Variants in LVRN observed in about 807,000 individuals in gnomAD.
The protein encoded by LVRN is aminopeptidase Q.
In LVRN, 99 loss-of-function variants were observed where a neutral mutation model predicts 111.4. That is an observed-to-expected ratio of 0.89 (90% confidence interval 0.76 to 1.05). The LOEUF (loss-of-function observed/expected upper bound fraction) is 1.05. Among genes scored for constraint, LVRN ranks in the 50% least tolerant of loss-of-function variants. LVRN has a pLI of 0.00. For missense variants in LVRN, 1,414 were observed against 1,206.8 expected (o/e 1.17, Z -2.54); for synonymous variants, 488 against 449.5 (o/e 1.09, Z -1.08).
Position 116,025,192 on chromosome 5 carries a change from C to T in LVRN, c.2833-786C>T, listed in dbSNP as rs187979258. Among the ~76,000 whole-genome samples the T allele has an allele frequency of 2.7e-3, 408 of 152,184 alleles. 2 individuals are homozygous for T. The highest frequency in any genetic ancestry group is 4.4e-3 in the Non-Finnish European group (301 of 67,992). On this transcript the variant is annotated intron_variant, in intron 19 of 19. Coordinates refer to ENST00000357872, the MANE Select transcript of LVRN (RefSeq NM_173800.5). ...GAGTGGGGGAGGATTGTTCCTGGCTCTTTAACTTACTTGTCCCTAAAACAT... is the reference window on the plus strand; with the variant it reads ...GAGTGGGGGAGGATTGTTCCTGGCTTTTTAACTTACTTGTCCCTAAAACAT...
intron 1 of LVRN, among the ~76,000 whole-genome samples, chr5:115,968,694 A>T (rs1156381252): frequency 6.6e-6 from 1 of 152,188 alleles, no homozygotes; most frequent in African/African-American, 2.4e-5. Context: ...AGAAAAGAAC[A>T]AATGGAGAAA....
At chr5:115,970,171 A>G (rs1753292071) in intron 1 of LVRN, among the ~76,000 whole-genome samples, 1 of 152,168 alleles carries the variant, frequency 6.6e-6, no homozygotes, top group Non-Finnish European at 1.5e-5. Flanking sequence ...TACAATCAAT[A>G]TTAATAAACA....
intron 13 of LVRN, among the ~76,000 whole-genome samples, chr5:116,009,543 T>C (rs1403745297): frequency 6.6e-6 from 1 of 152,156 alleles, no homozygotes; most frequent in East Asian, 1.9e-4. Flanking sequence ...TCATTCCAAA[T>C]GCCATTACGA....
Position 116,026,423 on chromosome 5 carries a change from T to C in LVRN, c.*305T>C, listed in dbSNP as rs1748868400. The stretch of plus-strand genomic sequence containing the variant: ...TTCACCTAAGATAGTCTTGCTTATT[T>C]TGTTGCGAAGGCCAGTGGAATATAA... On this transcript the variant is annotated 3_prime_UTR_variant, in exon 20 of 20. Transcript: ENST00000357872. The C allele has an allele frequency of 2.7e-6, 1 of 369,110 alleles. No individual in the cohort carries two copies. Among genetic ancestry groups the C allele is most frequent in the Non-Finnish European group, 5.1e-6 (1 of 197,902 alleles). 22.9% of individuals were successfully genotyped at this position (369,110 alleles called of 1,614,324 possible). A position where few individuals can be genotyped will look rare whatever the true frequency, so the allele number is the denominator to read the frequency against.
chr5:115,978,246 A>G (rs1753487486), intron 1 of LVRN, among the ~76,000 whole-genome samples: 1 of 152,194 alleles, frequency 6.6e-6, no homozygotes, highest in Admixed American at 6.5e-5. Flanking sequence ...GGTGTCACAG[A>G]GGAAAATGTC....
intron 1 of LVRN, among the ~76,000 whole-genome samples, chr5:115,973,929 G>T (rs1052804388): frequency 6.6e-6 from 1 of 151,838 alleles, no homozygotes; most frequent in Non-Finnish European, 1.5e-5. Flanking sequence ...CTTTTTTTGA[G>T]GCTGGTAAAT....
chr5:115,975,580 C>T lies in LVRN; in HGVS notation c.696-7707C>T, dbSNP rs138999410. The stretch of plus-strand genomic sequence containing the variant: ...GTTTTTCCTGTACCAGTTTGGGCTA[C>T]CCCTGTAAGATCTTTTCCTTGCAGA... On this transcript the variant is annotated intron_variant, in intron 1 of 19. Coordinates refer to ENST00000357872, the MANE Select transcript of LVRN (RefSeq NM_173800.5). The T allele has an allele frequency of 1.2e-3, 184 of 157,496 alleles. 1 individual carries two copies. The highest frequency in any genetic ancestry group is 3.3e-3 in the African/African-American group (137 of 41,652). 9.8% of individuals were successfully genotyped at this position (157,496 alleles called of 1,614,324 possible).
At position 116,026,920 on chromosome 5, in the gene LVRN, CAAT is replaced by C. The variant is rs937051604; in HGVS notation, c.*803_*805del. 2 of 152,122 alleles carry C rather than the reference CAAT, an allele frequency of 1.3e-5. No individual in the cohort carries two copies. Among genetic ancestry groups the C allele is most frequent in the Non-Finnish European group, 2.9e-5 (2 of 68,040 alleles). 9.4% of individuals were successfully genotyped at this position (152,122 alleles called of 1,614,324 possible). A position where few individuals can be genotyped will look rare whatever the true frequency, so the allele number is the denominator to read the frequency against. ...TTCAGCCTAAGCGTACGAGTGAAAA[CAAT>C]GATGTCAAAAGACAATAGCAAGTAT... On this transcript the variant is annotated 3_prime_UTR_variant, in exon 20 of 20. Transcript: ENST00000357872.
intron 6 of LVRN, among the ~76,000 whole-genome samples, chr5:115,998,192 T>G (rs540357553): frequency 5.3e-5 from 8 of 152,360 alleles, no homozygotes; most frequent in African/African-American, 1.9e-4. Context: ...TATTTATATA[T>G]TTTAAGGTTT....
intron 14 of LVRN, among the ~76,000 whole-genome samples, 177 bp from the exon 15 acceptor site, chr5:116,012,197 A>C (rs1350931294): frequency 6.6e-6 from 1 of 152,168 alleles, no homozygotes; most frequent in Non-Finnish European, 1.5e-5. Flanking sequence ...AATGGAACTA[A>C]ACCGAAAGAG....
chr5:115,984,433 G>A (rs1747802509), intron 2 of LVRN, 137 bp from the exon 3 acceptor site: 4 of 1,049,026 alleles, frequency 3.8e-6, no homozygotes, highest in African/African-American at 1.6e-5. Context: ...TTAGGAGTAG[G>A]TGGAGAAATC....
chr5:115,984,550 A>G lies in LVRN; in HGVS notation c.839-20A>G. On this transcript the variant is annotated intron_variant, in intron 2 of 19. Transcript: ENST00000357872. ...ATTGCTTAGATTTGCTGTGATTTGA[A>G]CTAAAATAAAATTCTCTAGGTCAGT... 1 of 1,610,386 alleles carries G rather than the reference A, an allele frequency of 6.2e-7. No individual in the cohort carries two copies. Among genetic ancestry groups the G allele is most frequent in the South Asian group, 1.1e-5 (1 of 90,722 alleles).
chr5:116,005,944 T>C lies in LVRN; in HGVS notation c.2070T>C (p.Ile690=). ...AIPVIHRLQL[I]DDAFSLSKNN... ...CTGTTATTCACAGACTGCAGTTGAT[T>C]GATGATGCCTTTTCCTTGTCTAAGT... The change falls in exon 13 of 20, where the codon ATT becomes ATC. Residue 690 remains isoleucine (I), a synonymous_variant. Transcript: ENST00000357872. The C allele has an allele frequency of 6.3e-7, 1 of 1,593,654 alleles. No individual in the cohort carries two copies. The highest frequency in any genetic ancestry group is 2.2e-5 in the East Asian group (1 of 44,698).
intron 1 of LVRN, among the ~76,000 whole-genome samples, chr5:115,968,726 C>G (rs771258044): frequency 4.6e-5 from 7 of 152,136 alleles, no homozygotes; most frequent in Admixed American, 1.3e-4. Flanking sequence ...TACTTTCTAC[C>G]CTCCTCCTTC....
chr5:115,983,541 C>A, intron 2 of LVRN, 112 bp downstream of exon 2: 2 of 1,210,036 alleles, frequency 1.7e-6, no homozygotes, highest in Non-Finnish European at 2.2e-6. Flanking sequence ...TAATTACAGT[C>A]TACTATAATT....
intron 6 of LVRN, among the ~76,000 whole-genome samples, chr5:115,994,940 G>A (rs1434259401): frequency 2.0e-5 from 3 of 152,098 alleles, no homozygotes; most frequent in Non-Finnish European, 2.9e-5. Context: ...TCTGTCTCCT[G>A]TAACCTCTCT....
At chr5:115,970,933 G>A (rs1341554879) in intron 1 of LVRN, among the ~76,000 whole-genome samples, 1 of 152,178 alleles carries the variant, frequency 6.6e-6, no homozygotes, top group Non-Finnish European at 1.5e-5. Context: ...TTAAGAAACT[G>A]CAAAACTGTT....
intron 1 of LVRN, among the ~76,000 whole-genome samples, chr5:115,972,178 A>G (rs1158550284): frequency 6.6e-6 from 1 of 152,108 alleles, no homozygotes; most frequent in Non-Finnish European, 1.5e-5. Context: ...TTGATAAATG[A>G]GCTTCATTAA....
chr5:116,000,380 A>C lies in LVRN; in HGVS notation c.1516-53A>C, dbSNP rs920521642. On this transcript the variant is annotated intron_variant, in intron 7 of 19. Transcript: ENST00000357872. ...ATTGCTTATAAATATGGAATGTGTC[A>C]GTATGTGGATATTGAATTTTGTTCA... 2.0e-5 allele frequency: 31 copies of C among 1,578,970 alleles called. No homozygotes were observed. In the African/African-American group the frequency reaches 3.9e-4, roughly 20 times the overall value.
Sources: gnomAD v4.1 joint callset for allele counts (sites outside exome capture counted in the v4.1 genomes callset) on GRCh38, gnomAD v4.1.1 for gene constraint, MANE v1.5 for transcripts, NCBI Gene and HGNC (gene_info 2026-07-23, HGNC 2026-07-21) for gene names.